Variants in AMZ1 observed in about 807,000 individuals in gnomAD.
AMZ1 encodes the protein archaemetzincin-1.
Under a neutral mutation model 29.9 loss-of-function variants are expected in AMZ1, and 39 were observed. The observed-to-expected ratio is 1.30, with a 90% CI of 1.01 to 1.70. AMZ1 has a LOEUF of 1.70. AMZ1 is among the 40% of genes most tolerant of loss of function. AMZ1 has a pLI of 0.00. For synonymous variants in AMZ1, 458 were observed against 304.0 expected (o/e 1.51, Z -5.27); for missense variants, 1,041 against 680.6 (o/e 1.53, Z -5.89).
At chr7:2,694,196 C>T (rs1787568787) in intron 1 of AMZ1, among the ~76,000 whole-genome samples, 1 of 152,200 alleles carries the variant, frequency 6.6e-6, no homozygotes, top group Non-Finnish European at 1.5e-5. Context: ...GGGCACCTTC[C>T]AATCCCTCCA....
At chr7:2,685,285 C>G (rs551725694), upstream of AMZ1, among the ~76,000 whole-genome samples, 34 of 150,460 alleles carry the variant, frequency 2.3e-4, no homozygotes, top group South Asian at 6.9e-3. Flanking sequence ...AGGCCAGGCT[C>G]GGTGGCTCAC....
upstream of AMZ1, among the ~76,000 whole-genome samples, chr7:2,683,411 TTC>T (rs1395789677): frequency 2.6e-5 from 4 of 151,982 alleles, no homozygotes; most frequent in Non-Finnish European, 5.9e-5. Flanking sequence ...GTCTTCAACT[TTC>T]TGTTTTTTTG....
At chr7:2,679,805 C>G (rs1380454706) in intron 1 of AMZ1, 3 of 152,618 alleles carry the variant, frequency 2.0e-5, no homozygotes, top group Non-Finnish European at 4.4e-5. Context: ...TGGGCAAAGG[C>G]CAGGAGACCA....
chr7:2,700,305 T>C lies in AMZ1; in HGVS notation c.-147T>C. On this transcript the variant is annotated 5_prime_UTR_variant, in exon 2 of 7. Transcript: ENST00000683327. ...AGGCAGAGCTGGGCCTTAAGGGCCC[T>C]TGGACCAGTGTCTGTCTGCAGGGAG... 3.2e-6 allele frequency: 3 copies of C among 929,142 alleles called. No homozygotes were observed. Among genetic ancestry groups the C allele is most frequent in the Non-Finnish European group, 4.7e-6 (3 of 634,456 alleles). 57.6% of individuals were successfully genotyped at this position (929,142 alleles called of 1,614,324 possible). A position where few individuals can be genotyped will look rare whatever the true frequency, so the allele number is the denominator to read the frequency against.
At chr7:2,762,202 T>G (rs961673760), upstream of AMZ1, 1 of 168,974 alleles carries the variant, frequency 5.9e-6, no homozygotes, top group Non-Finnish European at 1.3e-5. Context: ...AGGCTTCGTT[T>G]CTAGGAGAAG....
chr7:2,712,292 G>A, intron 6 of AMZ1, 38 bp from the exon 7 acceptor site: 2 of 1,517,644 alleles, frequency 1.3e-6, no homozygotes, highest in South Asian at 1.3e-5. Flanking sequence ...GACAAGGGCT[G>A]GCACGGAGCA....
rs1245485305 is a variant in AMZ1, at chr7:2,714,958, C to T, written c.*2080C>T. 2 of 152,232 alleles carry T rather than the reference C, an allele frequency of 1.3e-5. No individual in the cohort carries two copies. The highest frequency in any genetic ancestry group is 6.5e-5 in the Admixed American group (1 of 15,270). The allele number at this position is 152,232 out of a possible 1,614,324, so 9.4% of individuals were successfully genotyped here. ...AGCTCAGATGTAGCATTAGGACCTT[C>T]ATCCATACCCTTCTCTTTTGCATGG... On this transcript the variant is annotated 3_prime_UTR_variant, in exon 7 of 7. Transcript: ENST00000683327.
chr7:2,700,272 C>G lies in AMZ1; in HGVS notation c.-180C>G, dbSNP rs888325448. ...CAGAAGCGCCCATGCCTGAGAGCGT[C>G]CAGGACCAGGCAGAGCTGGGCCTTA... On this transcript the variant is annotated 5_prime_UTR_variant, in exon 2 of 7. Coordinates refer to ENST00000683327, the MANE Select transcript of AMZ1 (RefSeq NM_001384743.1). 2 of 699,616 alleles carry G rather than the reference C, an allele frequency of 2.9e-6. No individual in the cohort carries two copies. The highest frequency in any genetic ancestry group is 5.9e-5 in the Admixed American group (2 of 34,036). 43.3% of individuals were successfully genotyped at this position (699,616 alleles called of 1,614,324 possible).
chr7:2,752,890 G>A (rs11761804), intron 4 of AMZ1, among the ~76,000 whole-genome samples: 18,259 of 152,168 alleles, frequency 0.12, 1,192 homozygotes, highest in Middle Eastern at 0.2. Context: ...AGTACAATGT[G>A]TGTGTGGTTC....
chr7:2,699,789 C>G (rs1787946388), intron 1 of AMZ1, among the ~76,000 whole-genome samples: 1 of 151,852 alleles, frequency 6.6e-6, no homozygotes, highest in Non-Finnish European at 1.5e-5. Flanking sequence ...TGGAGGGGCC[C>G]TTCTAGCTCT....
Position 2,719,522 on chromosome 7 carries a change from A to G in AMZ1, c.*6644A>G, listed in dbSNP as rs1182452608. Among the ~76,000 whole-genome samples the G allele has an allele frequency of 6.6e-6, 1 of 152,224 alleles. No homozygotes were observed. Among genetic ancestry groups the G allele is most frequent in the African/African-American group, 2.4e-5 (1 of 41,464 alleles). ...CACCGCTCGATTGTATGGCACAGTT[A>G]TTTTTAAAAATCCAGTCCAAGTGGA... On this transcript the variant is annotated 3_prime_UTR_variant, in exon 7 of 7. Transcript: ENST00000683327.
rs939194978 is a variant in AMZ1, at chr7:2,717,711, G to T, written c.*4833G>T. On this transcript the variant is annotated 3_prime_UTR_variant, in exon 7 of 7. Transcript: ENST00000683327. ...TGTTAAAAACAGATGCAGATCGCGG[G>T]TGGAGACGGCCGGCCGAGCCTTCCC... Among the ~76,000 whole-genome samples, 1 of 152,198 alleles carries T rather than the reference G, an allele frequency of 6.6e-6. No individual in the cohort carries two copies. Among genetic ancestry groups the T allele is most frequent in the Non-Finnish European group, 1.5e-5 (1 of 68,046 alleles).
chr7:2,736,939 C>T (rs1397240763), intron 4 of AMZ1, among the ~76,000 whole-genome samples: 1 of 152,246 alleles, frequency 6.6e-6, no homozygotes, highest in Admixed American at 6.5e-5. Flanking sequence ...ACCAGACCCT[C>T]GAGATCAGTA....
Position 2,740,906 on chromosome 7 carries a change from G to A in AMZ1, n.551-23806G>A, listed in dbSNP as rs190621516. Among the ~76,000 whole-genome samples, 8 of 152,260 alleles carry A rather than the reference G, an allele frequency of 5.3e-5. No homozygotes were observed. In the East Asian group the frequency reaches 9.7e-4, roughly 18 times the overall value. The stretch of plus-strand genomic sequence containing the variant: ...AAAAATACAAAAAAATTAGTCGGGC[G>A]TGGTGGCAGGTGCCTGTAGTCCCAG... On this transcript the variant is annotated intron_variant and non_coding_transcript_variant, in intron 4 of 4. Transcript: ENST00000489665.
chr7:2,745,081 T>C (rs954804156), intron 4 of AMZ1, among the ~76,000 whole-genome samples: 2 of 152,182 alleles, frequency 1.3e-5, no homozygotes, highest in African/African-American at 4.8e-5. Flanking sequence ...TGGAACCAAG[T>C]TGGAAAACAC....
rs553382132 is a variant in AMZ1, at chr7:2,711,108, C to T, written c.949-1222C>T. Among the ~76,000 whole-genome samples the T allele has an allele frequency of 1.4e-4, 21 of 152,324 alleles. No individual in the cohort carries two copies. The South Asian group carries it at 4.1e-3, about 30-fold the overall frequency. On this transcript the variant is annotated intron_variant, in intron 6 of 6. Coordinates refer to ENST00000683327, the MANE Select transcript of AMZ1 (RefSeq NM_001384743.1). The stretch of plus-strand genomic sequence containing the variant: ...ATCTGAGCTGGAGGGTGTAGCTCCT[C>T]CTCCTGCCCAGAGCTCTCTCCGTTC...
intron 4 of AMZ1, 145 bp downstream of exon 4, chr7:2,708,861 T>G (rs1157790227): frequency 5.1e-6 from 7 of 1,371,472 alleles, no homozygotes; most frequent in Non-Finnish European, 6.9e-6. Context: ...AGATGGCCCC[T>G]TCCAGCTCCT....
In AMZ1 at chr7:2,688,572, C is replaced by T. The variant is rs566879555; in HGVS notation, c.-219+276C>T. Reference sequence around the variant, plus strand: ...AGGGAAGGGCCACGCGCCCCCTCCCCGCCATCCTCTCCCAGGCCAGGGCGA... The same window carrying T: ...AGGGAAGGGCCACGCGCCCCCTCCCTGCCATCCTCTCCCAGGCCAGGGCGA... On this transcript the variant is annotated intron_variant, in intron 1 of 6. Transcript: ENST00000683327. Among the ~76,000 whole-genome samples the T allele has an allele frequency of 1.1e-3, 175 of 152,332 alleles. 1 individual carries two copies. Among genetic ancestry groups the T allele is most frequent in the African/African-American group, 3.9e-3 (161 of 41,578 alleles).
At chr7:2,721,428 G>T (rs1789416257), downstream of AMZ1, among the ~76,000 whole-genome samples, 1 of 152,158 alleles carries the variant, frequency 6.6e-6, no homozygotes, top group Admixed American at 6.5e-5. Flanking sequence ...CTGTTTGAAA[G>T]CAGTAGGTGG....
Sources: gnomAD v4.1 joint callset for allele counts (sites outside exome capture counted in the v4.1 genomes callset) on GRCh38, gnomAD v4.1.1 for gene constraint, MANE v1.5 for transcripts, NCBI Gene and HGNC (gene_info 2026-07-23, HGNC 2026-07-21) for gene names.